ZNF496: variants seen among roughly 807,000 people sequenced by gnomAD.
ZNF496 encodes the protein zinc finger protein 496, also known as NSD1 (nuclear receptor binding SET-domain containing 1)-interacting zinc finger protein 1.
A neutral mutation model predicts 58.9 loss-of-function variants in ZNF496; 11 were observed. That is an observed-to-expected ratio of 0.19 (90% CI 0.12 to 0.31). The LOEUF (loss-of-function observed/expected upper bound fraction) is 0.31. Ranked by LOEUF, ZNF496 falls within the 10% of genes least tolerant of loss-of-function variation. The pLI is 1.00. For missense variants in ZNF496, 660 were observed against 783.0 expected, an observed-to-expected ratio of 0.84 and a Z score of 1.88; for synonymous variants, 338 against 318.2, an observed-to-expected ratio of 1.06 and a Z score of -0.66.
chr1:247,307,412 A>G, intron 9 of ZNF496: 2 of 985,462 alleles, frequency 2.0e-6, no homozygotes, highest in South Asian at 4.7e-5. Context: ...TCCATCTTCT[A>G]AAAGTATATT....
In ZNF496 at chr1:247,299,273, C is replaced by T. The variant is rs1255458292; in HGVS notation, c.*1246G>A. ...GGCTCTAATCCGATATGACTGGTGTCCTTAAACAAAGGGAGGTTTGGAGAC... is the reference window on the plus strand; with the variant it reads ...GGCTCTAATCCGATATGACTGGTGTTCTTAAACAAAGGGAGGTTTGGAGAC... On this transcript the variant is annotated 3_prime_UTR_variant, in exon 10 of 10. Coordinates refer to ENST00000682384, the MANE Select transcript of ZNF496 (RefSeq NM_032752.3). 2.0e-5 allele frequency: 3 copies of T among 152,176 alleles called. No individual in the cohort carries two copies. Among genetic ancestry groups the T allele is most frequent in the African/African-American group, 7.2e-5 (3 of 41,436 alleles). 9.4% of individuals were successfully genotyped at this position (152,176 alleles called of 1,614,324 possible). A position where few individuals can be genotyped will look rare whatever the true frequency, so the allele number is the denominator to read the frequency against.
chr1:247,328,650 A>G (rs1553274233), intron 5 of ZNF496, 33 bp downstream of exon 5: 1 of 1,517,974 alleles, frequency 6.6e-7, no homozygotes, highest in Admixed American at 2.1e-5. Flanking sequence ...ACTTCCCCAG[A>G]TCACCCCTGC....
Position 247,329,649 on chromosome 1 carries a change from T to C in ZNF496, c.-37-34A>G, listed in dbSNP as rs1045740249. Reference sequence around the variant, plus strand: ...AAACAGAAATCACTGGCTTCAGTGTTCTGGTCTCCTGTGGTCATTTCTGGG... The same window carrying C: ...AAACAGAAATCACTGGCTTCAGTGTCCTGGTCTCCTGTGGTCATTTCTGGG... On this transcript the variant is annotated intron_variant, in intron 3 of 9. Coordinates refer to ENST00000682384, the MANE Select transcript of ZNF496 (RefSeq NM_032752.3). This position sits in a 1 kb window ranked among gnomAD's most constrained non-coding sequence, Gnocchi z 5.5. The C allele has an allele frequency of 4.7e-5, 70 of 1,505,024 alleles. No individual in the cohort carries two copies. Among genetic ancestry groups the C allele is most frequent in the Non-Finnish European group, 5.9e-5 (67 of 1,128,906 alleles). The allele number at this position is 1,505,024 out of a possible 1,614,324, so 93.2% of individuals were successfully genotyped here. A position where few individuals can be genotyped will look rare whatever the true frequency, so the allele number is the denominator to read the frequency against.
At position 247,307,590 on chromosome 1, in the gene ZNF496, G is replaced by A. The variant is rs151257229; in HGVS notation, c.1006+885C>T. 7.1e-6 allele frequency: 7 copies of A among 985,400 alleles called. No homozygotes were observed. The East Asian group carries it at 7.9e-4, about 112-fold the overall frequency. 61.0% of individuals were successfully genotyped at this position (985,400 alleles called of 1,614,324 possible). On this transcript the variant is annotated intron_variant, in intron 9 of 9. Coordinates refer to ENST00000682384, the MANE Select transcript of ZNF496 (RefSeq NM_032752.3). ...AAACCAGGGGTGGGCATCCATGCTT[G>A]TGGAGCAGGATCTCATCCTTTCAGA...
chr1:247,327,121 A>G (rs1419646330), intron 5 of ZNF496, among the ~76,000 whole-genome samples: 1 of 152,120 alleles, frequency 6.6e-6, no homozygotes, highest in Non-Finnish European at 1.5e-5. Flanking sequence ...CTGGAATGCA[A>G]TGGCGTGATC....
chr1:247,330,415 C>T (rs187372029), intron 2 of ZNF496, among the ~76,000 whole-genome samples: 2 of 152,356 alleles, frequency 1.3e-5, no homozygotes, highest in African/African-American at 2.4e-5. Context: ...ACTGCACACT[C>T]GCCAAAGCCC....
At chr1:247,306,933 A>G (rs955597296) in intron 9 of ZNF496, among the ~76,000 whole-genome samples, 6 of 152,248 alleles carry the variant, frequency 3.9e-5, no homozygotes, top group Admixed American at 2.0e-4. Flanking sequence ...CCATGAAGAT[A>G]CAATGCACAG....
intron 5 of ZNF496, among the ~76,000 whole-genome samples, chr1:247,324,737 T>G (rs1660069115): frequency 6.6e-6 from 1 of 152,222 alleles, no homozygotes; most frequent in Non-Finnish European, 1.5e-5. Context: ...ATACAATTTT[T>G]TTTTGTCAAT....
chr1:247,303,961 G>A, intron 9 of ZNF496: 1 of 289,964 alleles, frequency 3.4e-6, no homozygotes, highest in Admixed American at 4.8e-5. Context: ...GAAGGTCTAT[G>A]GAGGACACCC....
rs61838683 is a variant in ZNF496 at position 247,308,812 on chromosome 1, G to A, written c.893-224C>T. 0.069 allele frequency: 34,383 copies of A among 500,794 alleles called. 1,387 individuals carry two copies. The highest frequency in any genetic ancestry group is 0.11 in the Middle Eastern group (197 of 1,760). 31.0% of individuals were successfully genotyped at this position (500,794 alleles called of 1,614,324 possible). A position where few individuals can be genotyped will look rare whatever the true frequency, so the allele number is the denominator to read the frequency against. On this transcript the variant is annotated intron_variant, in intron 8 of 9. Transcript: ENST00000682384. The surrounding 1 kb of genome is among the most constrained non-coding windows in gnomAD (Gnocchi z 4.5). ...ATGAGCTCTGACGCTAGACAGAATC[G>A]ACGTAGATCCGGGTTCTACTCCACC...
chr1:247,329,003 C>G lies in ZNF496; in HGVS notation c.391-137G>C, dbSNP rs1660228618. ...GACTGGGCTGTAAAGGGGCACGACACTATCATGCCCAAATTAGAGCCTTCA... is the reference window on the plus strand; with the variant it reads ...GACTGGGCTGTAAAGGGGCACGACAGTATCATGCCCAAATTAGAGCCTTCA... On this transcript the variant is annotated intron_variant, in intron 4 of 9. Transcript: ENST00000682384. The surrounding 1 kb of genome is among the most constrained non-coding windows in gnomAD (Gnocchi z 5.5). The G allele has an allele frequency of 1.5e-6, 2 of 1,370,982 alleles. No individual in the cohort carries two copies. Among genetic ancestry groups the G allele is most frequent in the African/African-American group, 1.4e-5 (1 of 69,036 alleles). 84.9% of individuals were successfully genotyped at this position (1,370,982 alleles called of 1,614,324 possible).
chr1:247,308,479 G>A lies in ZNF496; in HGVS notation c.1002C>T (p.Tyr334=). 6.2e-7 allele frequency: 1 copy of A among 1,613,940 alleles called. No individual in the cohort carries two copies. Among genetic ancestry groups the A allele is most frequent in the Non-Finnish European group, 8.5e-7 (1 of 1,179,882 alleles). ...CPQTVVPQNT[Y]PAGGNPRSLE... is the part of the protein sequence containing the mutation. ...ACCTCCCTGACCCTTCTTTACCTGG[G>A]TAGGTGTTTTGAGGCACCACCGTCT... Residue 334 remains tyrosine, a synonymous_variant, in exon 9 of 10, where the codon TAC becomes TAT. Transcript: ENST00000682384. This position sits in a 1 kb window ranked among gnomAD's most constrained non-coding sequence, Gnocchi z 4.5.
chr1:247,309,939 C>T lies in ZNF496; in HGVS notation c.785-133G>A, dbSNP rs1659539226. 7.5e-7 allele frequency: 1 copy of T among 1,339,470 alleles called. No homozygotes were observed. The highest frequency in any genetic ancestry group is 1.5e-5 in the South Asian group (1 of 68,244). 83.0% of individuals were successfully genotyped at this position (1,339,470 alleles called of 1,614,324 possible). A position where few individuals can be genotyped will look rare whatever the true frequency, so the allele number is the denominator to read the frequency against. On this transcript the variant is annotated intron_variant, in intron 7 of 9. Coordinates refer to ENST00000682384, the MANE Select transcript of ZNF496 (RefSeq NM_032752.3). This position sits in a 1 kb window ranked among gnomAD's most constrained non-coding sequence, Gnocchi z 4.3. Reference sequence around the variant, plus strand: ...CCATCAGGGGCGAGAAGTGAAAAGGCCAGAGCTGGCAGTGCAGGGGCAGTG... The same window carrying T: ...CCATCAGGGGCGAGAAGTGAAAAGGTCAGAGCTGGCAGTGCAGGGGCAGTG...
chr1:247,301,820 T>C (rs1412993539), intron 9 of ZNF496, among the ~76,000 whole-genome samples: 1 of 152,208 alleles, frequency 6.6e-6, no homozygotes, highest in Non-Finnish European at 1.5e-5. Flanking sequence ...GGTTGCCATG[T>C]TTACACATAA....
At chr1:247,318,884 T>C (rs945241266) in intron 6 of ZNF496, among the ~76,000 whole-genome samples, 53 of 152,350 alleles carry the variant, frequency 3.5e-4, no homozygotes, top group African/African-American at 1.3e-3. Flanking sequence ...TACAACACTC[T>C]ATGATGCGGT....
chr1:247,303,191 T>G (rs982069823), intron 9 of ZNF496, among the ~76,000 whole-genome samples: 3 of 152,170 alleles, frequency 2.0e-5, no homozygotes, highest in African/African-American at 7.2e-5. Flanking sequence ...GGAGGCAGAC[T>G]TCAACAGAGG....
intron 5 of ZNF496, among the ~76,000 whole-genome samples, chr1:247,327,721 A>T (rs567058381): frequency 6.6e-6 from 1 of 151,652 alleles, no homozygotes; most frequent in Non-Finnish European, 1.5e-5. Context: ...TCTGCAAGTC[A>T]TAAGAAAGTC....
At chr1:247,310,885 C>T (rs1478256898) in intron 6 of ZNF496, 1 of 158,200 alleles carries the variant, frequency 6.3e-6, no homozygotes, top group African/African-American at 2.4e-5. Context: ...GCCCCTGGTT[C>T]CCCCAAATTC....
chr1:247,322,877 A>T, intron 6 of ZNF496: 2 of 1,030,650 alleles, frequency 1.9e-6, no homozygotes, highest in Non-Finnish European at 2.7e-6. Flanking sequence ...GAGGCCCATC[A>T]ATGGGGACTC....
Sources: gnomAD v4.1 joint callset for allele counts (sites outside exome capture counted in the v4.1 genomes callset) on GRCh38, gnomAD v4.1.1 for gene constraint, Gnocchi (gnomAD v3.1) non-coding constraint, MANE v1.5 for transcripts, NCBI Gene and HGNC (gene_info 2026-07-23, HGNC 2026-07-21) for gene names.